PCDHGA2: variants seen among roughly 807,000 people sequenced by gnomAD.
The protein encoded by PCDHGA2 is protocadherin gamma-A2.
In PCDHGA2, 40 loss-of-function variants were observed where a neutral mutation model predicts 59.2. The observed-to-expected ratio is 0.68, with a 90% CI of 0.52 to 0.88. The LOEUF (loss-of-function observed/expected upper bound fraction) is 0.88. Among genes scored for constraint, PCDHGA2 ranks in the 40% least tolerant of loss-of-function variants. PCDHGA2 has a pLI of 0.00. For missense variants in PCDHGA2, 1,226 were observed against 1,204.0 expected (o/e 1.02, Z -0.27); for synonymous variants, 560 against 526.0 (o/e 1.06, Z -0.89).
chr5:141,494,820 AC>A lies in PCDHGA2; in HGVS notation c.2439del (p.Asn813LysfsTer39). 6.2e-7 allele frequency: 1 copy of A among 1,613,988 alleles called. No homozygotes were observed. The highest frequency in any genetic ancestry group is 2.2e-5 in the East Asian group (1 of 44,874). On this transcript the variant is annotated frameshift_variant, in exon 2 of 4. Coordinates refer to ENST00000394576, the MANE Select transcript of PCDHGA2 (RefSeq NM_018915.4). LOFTEE classifies it high-confidence loss of function. ...TTTTCTCCACAGCAAGCCCCGCCCA[AC>A]ACGGACTGGCGTTTCTCTCAGGCCC... ...EETFSQQAPP[N>X]TDWRFSQAQR...
chr5:141,473,233 C>T (rs116489525), intron 1 of PCDHGA2, among the ~76,000 whole-genome samples: 1,684 of 152,238 alleles, frequency 0.011, 34 homozygotes, highest in African/African-American at 0.039. Flanking sequence ...ATTGGATCCA[C>T]ACAAGTGAAT....
chr5:141,358,763 C>G (rs984057790), intron 1 of PCDHGA2, among the ~76,000 whole-genome samples: 3 of 152,156 alleles, frequency 2.0e-5, no homozygotes, highest in African/African-American at 7.2e-5. Flanking sequence ...ATCATGTGAG[C>G]CTCTTTCAAA....
intron 1 of PCDHGA2, chr5:141,345,598 A>G (rs1757606601): frequency 1.2e-6 from 2 of 1,614,168 alleles, no homozygotes; most frequent in Non-Finnish European, 1.7e-6. Flanking sequence ...TCCTTCGACT[A>G]CGAGCAATTT....
At chr5:141,371,831 C>T (rs374832321) in intron 1 of PCDHGA2, 1 of 1,613,770 alleles carries the variant, frequency 6.2e-7, no homozygotes, top group Non-Finnish European at 8.5e-7. Context: ...CCTCGGATCC[C>T]GACTTGGGAC....
intron 1 of PCDHGA2, chr5:141,441,637 C>T (rs1200679247): frequency 4.4e-6 from 1 of 228,574 alleles, no homozygotes; most frequent in South Asian, 4.8e-5. Context: ...GAGCCACAGG[C>T]GCTGTGATTC....
At chr5:141,506,351 A>G (rs1029519620) in intron 3 of PCDHGA2, among the ~76,000 whole-genome samples, 2 of 150,784 alleles carry the variant, frequency 1.3e-5, no homozygotes, top group African/African-American at 4.9e-5. Context: ...TGGGAGGCTG[A>G]GGCAGGAGAA....
chr5:141,341,467 T>C lies in PCDHGA2; in HGVS notation c.2424+72T>C, dbSNP rs771747836. On this transcript the variant is annotated intron_variant, in intron 1 of 3. Coordinates refer to ENST00000394576, the MANE Select transcript of PCDHGA2 (RefSeq NM_018915.4). ...AATTCACTTACTTGTTTACTATATCTATTTTGTTCCCCATATTTCCTTGAG... is the reference window on the plus strand; with the variant it reads ...AATTCACTTACTTGTTTACTATATCCATTTTGTTCCCCATATTTCCTTGAG... The C allele has an allele frequency of 1.4e-5, 23 of 1,593,896 alleles. No homozygotes were observed. In the Admixed American group the frequency reaches 3.5e-4, roughly 24 times the overall value.
chr5:141,360,389 T>C (rs1241447877), intron 1 of PCDHGA2: 1 of 1,613,908 alleles, frequency 6.2e-7, no homozygotes, highest in East Asian at 2.2e-5. Flanking sequence ...GGAGACTTAC[T>C]TGTGAGTGAC....
At position 141,491,098 on chromosome 5, in the gene PCDHGA2, C is replaced by A. The variant is rs1283499077; in HGVS notation, c.2425-3709C>A. ...ACAGTCCACAGCCCCAGGACTGTTC[C>A]TCGTGTCTACACACACTGGTGAGGT... On this transcript the variant is annotated intron_variant, in intron 1 of 3. Coordinates refer to ENST00000394576, the MANE Select transcript of PCDHGA2 (RefSeq NM_018915.4). This position sits in a 1 kb window ranked among gnomAD's most constrained non-coding sequence, Gnocchi z 6.9. 6.2e-7 allele frequency: 1 copy of A among 1,614,216 alleles called. No individual in the cohort carries two copies. Among genetic ancestry groups the A allele is most frequent in the Non-Finnish European group, 8.5e-7 (1 of 1,180,038 alleles).
At chr5:141,462,648 C>T (rs2099044153) in intron 1 of PCDHGA2, among the ~76,000 whole-genome samples, 1 of 137,364 alleles carries the variant, frequency 7.3e-6, no homozygotes, top group Admixed American at 7.1e-5. Flanking sequence ...TCATTTCCAT[C>T]CTCAATTATC....
intron 1 of PCDHGA2, among the ~76,000 whole-genome samples, chr5:141,407,816 ATAT>A (rs1270765996): frequency 6.6e-6 from 1 of 152,228 alleles, no homozygotes; most frequent in Non-Finnish European, 1.5e-5. Context: ...ATCTACTATA[ATAT>A]TATGGTGAGA....
At chr5:141,507,239 G>C (rs2099859378) in intron 3 of PCDHGA2, 1 of 152,310 alleles carries the variant, frequency 6.6e-6, no homozygotes, top group Non-Finnish European at 1.5e-5. Context: ...CCCAGTTACA[G>C]TTGAATGTCA....
At chr5:141,460,983 G>GTGTGTA (rs1554142949) in intron 1 of PCDHGA2, among the ~76,000 whole-genome samples, 82 of 137,842 alleles carry the variant, frequency 5.9e-4, no homozygotes, top group African/African-American at 1.9e-3. Flanking sequence ...GTGTGTGTGT[G>GTGTGTA]TATATATATA....
At chr5:141,361,035 A>T in intron 1 of PCDHGA2, 1 of 1,613,478 alleles carries the variant, frequency 6.2e-7, no homozygotes, top group South Asian at 1.1e-5. Context: ...AAACAGGAGA[A>T]ATCACGACAA....
Position 141,421,984 on chromosome 5 carries a change from C to G in PCDHGA2, c.2425-72823C>G, listed in dbSNP as rs201871921. On this transcript the variant is annotated intron_variant, in intron 1 of 3. Transcript: ENST00000394576. ...ACAGTCCGTATATCGCGTGAGTGTT[C>G]CAGAAAACATCAGCTCCGGAACTCG... 21 of 1,608,770 alleles carry G rather than the reference C, an allele frequency of 1.3e-5. No homozygotes were observed. In the Admixed American group the frequency reaches 2.4e-4, roughly 18 times the overall value.
chr5:141,437,306 C>T (rs1462689998), intron 1 of PCDHGA2, among the ~76,000 whole-genome samples: 1 of 152,104 alleles, frequency 6.6e-6, no homozygotes, highest in Non-Finnish European at 1.5e-5. Flanking sequence ...CAAGTTAAAG[C>T]GTTCAGCTAT....
In PCDHGA2 at chr5:141,491,149, G is replaced by T; in HGVS notation, c.2425-3658G>T. 6.8e-6 allele frequency: 11 copies of T among 1,614,152 alleles called. No homozygotes were observed. The highest frequency in any genetic ancestry group is 9.3e-6 in the Non-Finnish European group (11 of 1,180,010). On this transcript the variant is annotated intron_variant, in intron 1 of 3. Transcript: ENST00000394576. This position sits in a 1 kb window ranked among gnomAD's most constrained non-coding sequence, Gnocchi z 6.9. ...GCGCACAGCCCGGGCCTTACTGGAGGATGACTCTGACACCCAGCAGGTGGT... is the reference window on the plus strand; with the variant it reads ...GCGCACAGCCCGGGCCTTACTGGAGTATGACTCTGACACCCAGCAGGTGGT...
At chr5:141,349,862 C>G (rs1007140667) in intron 1 of PCDHGA2, among the ~76,000 whole-genome samples, 1 of 151,862 alleles carries the variant, frequency 6.6e-6, no homozygotes, top group African/African-American at 2.4e-5. Context: ...AAAAAGAATA[C>G]GAAATGATGA....
intron 1 of PCDHGA2, among the ~76,000 whole-genome samples, chr5:141,424,889 G>A (rs1173725674): frequency 6.6e-6 from 1 of 152,090 alleles, no homozygotes; most frequent in Non-Finnish European, 1.5e-5. Flanking sequence ...ACTTATCTAG[G>A]GTTTTTGATC....
Sources: gnomAD v4.1 joint callset for allele counts (sites outside exome capture counted in the v4.1 genomes callset) on GRCh38, gnomAD v4.1.1 for gene constraint, Gnocchi (gnomAD v3.1) non-coding constraint, MANE v1.5 for transcripts, NCBI Gene and HGNC (gene_info 2026-07-23, HGNC 2026-07-21) for gene names.